ST18: variants seen among roughly 807,000 people sequenced by gnomAD.
The protein encoded by ST18 is ST18 C2H2C-type zinc finger transcription factor.
A neutral mutation model predicts 110.0 loss-of-function variants in ST18; 50 were observed. The ratio of observed to expected loss-of-function variants is 0.45; its 90% CI spans 0.36 to 0.58. The LOEUF is 0.58. ST18 is among the 20% of genes least tolerant of loss of function. The pLI is 0.00. For missense variants in ST18, 1,306 were observed against 1,280.1 expected (o/e 1.02, Z -0.31); for synonymous variants, 461 against 452.4 (o/e 1.02, Z -0.24).
At chr8:52,186,605 T>C (rs1588017160) in intron 8 of ST18, among the ~76,000 whole-genome samples, 1 of 152,320 alleles carries the variant, frequency 6.6e-6, no homozygotes, top group East Asian at 1.9e-4. Context: ...ACAAAAGGTA[T>C]GTTCAATAAT....
chr8:52,178,625 A>AAAAACAAAC (rs2067902872), intron 9 of ST18, among the ~76,000 whole-genome samples: 1 of 127,398 alleles, frequency 7.8e-6, no homozygotes, highest in African/African-American at 3.7e-5. Context: ...AAAAAAAAAA[A>AAAAACAAAC]AAAAAAAAAA....
chr8:52,409,805 C>T (rs1191136193), upstream of ST18: 2 of 152,240 alleles, frequency 1.3e-5, no homozygotes, highest in Admixed American at 6.5e-5. Context: ...TGTTATTTAC[C>T]AACCGCACAA....
chr8:52,268,464 CTATCATCTATCTATCTATCT>C (rs1460411221), intron 2 of ST18, among the ~76,000 whole-genome samples: 1 of 143,526 alleles, frequency 7.0e-6, no homozygotes, highest in Non-Finnish European at 1.5e-5. Flanking sequence ...GTCTATCTAT[CTATCATCTATCTATCTATCT>C]ATCTATCTAT....
At chr8:52,206,345 G>A (rs1215128319) in intron 8 of ST18, 1 of 152,192 alleles carries the variant, frequency 6.6e-6, no homozygotes, top group African/African-American at 2.4e-5. Context: ...AAACATACAA[G>A]AGCATTAGAG....
chr8:52,200,472 C>T (rs1187873964), intron 8 of ST18, among the ~76,000 whole-genome samples: 2 of 152,130 alleles, frequency 1.3e-5, no homozygotes, highest in African/African-American at 4.8e-5. Flanking sequence ...TCTGGGGGAC[C>T]CAGCGCGGAT....
chr8:52,383,536 C>T (rs1177229840), intron 2 of ST18, among the ~76,000 whole-genome samples: 2 of 150,606 alleles, frequency 1.3e-5, no homozygotes, highest in Admixed American at 6.6e-5. Context: ...GCAACCTCTG[C>T]CTCCCGGGTT....
intron 2 of ST18, among the ~76,000 whole-genome samples, chr8:52,323,588 T>C (rs899018669): frequency 6.6e-6 from 1 of 152,134 alleles, no homozygotes; most frequent in African/African-American, 2.4e-5. Context: ...GAGGAATGAG[T>C]AACTCTGCAG....
intron 3 of ST18, among the ~76,000 whole-genome samples, chr8:52,224,975 C>T (rs2088697178): frequency 6.6e-6 from 1 of 152,186 alleles, no homozygotes; most frequent in Non-Finnish European, 1.5e-5. Context: ...TATGGCAACT[C>T]TCATAGGCTC....
At chr8:52,130,167 A>AAAGAAAAAG (rs1554586232) in intron 22 of ST18, among the ~76,000 whole-genome samples, 1 of 90,062 alleles carries the variant, frequency 1.1e-5, no homozygotes, top group African/African-American at 3.7e-5. Context: ...AAGAAAGAAA[A>AAAGAAAAAG]AGAAAAGAAA....
intron 2 of ST18, among the ~76,000 whole-genome samples, chr8:52,383,688 C>T (rs1381099361): frequency 6.6e-6 from 1 of 152,118 alleles, no homozygotes; most frequent in Non-Finnish European, 1.5e-5. Context: ...ACCTCGTGAT[C>T]CACCCGCCTT....
chr8:52,243,513 G>T (rs897248892), intron 2 of ST18, among the ~76,000 whole-genome samples: 4 of 152,136 alleles, frequency 2.6e-5, no homozygotes, highest in Non-Finnish European at 4.4e-5. Context: ...AAGGGAAAGG[G>T]TTTGGGGAGC....
intron 2 of ST18, among the ~76,000 whole-genome samples, chr8:52,398,163 AT>A (rs1281253531): frequency 6.6e-6 from 1 of 152,186 alleles, no homozygotes; most frequent in Non-Finnish European, 1.5e-5. Context: ...GGATAAATTT[AT>A]TCCTAAGCAT....
intron 18 of ST18, among the ~76,000 whole-genome samples, chr8:52,137,220 G>T (rs1169366678): frequency 6.6e-6 from 1 of 152,016 alleles, no homozygotes; most frequent in Non-Finnish European, 1.5e-5. Context: ...TTATAACCTG[G>T]ACTACAGGAT....
At chr8:52,297,913 C>T (rs1415066768) in intron 2 of ST18, among the ~76,000 whole-genome samples, 1 of 152,210 alleles carries the variant, frequency 6.6e-6, no homozygotes, top group East Asian at 1.9e-4. Flanking sequence ...TGGGGTTTCT[C>T]ACCTGAAATT....
intron 8 of ST18, among the ~76,000 whole-genome samples, chr8:52,205,197 T>C (rs1309900046): frequency 6.7e-6 from 1 of 150,000 alleles, no homozygotes; most frequent in East Asian, 1.9e-4. Context: ...ATAATATATA[T>C]ATTTTATTAC....
At chr8:52,163,014 T>C (rs1380857653) in intron 13 of ST18, among the ~76,000 whole-genome samples, 2 of 152,222 alleles carry the variant, frequency 1.3e-5, no homozygotes, top group Non-Finnish European at 2.9e-5. Context: ...TAAAACAATA[T>C]TAATCTTTTA....
At chr8:52,254,198 G>A (rs1308498655) in intron 2 of ST18, 1 of 152,088 alleles carries the variant, frequency 6.6e-6, no homozygotes. Flanking sequence ...AAAATTCCGA[G>A]TGGCTTAAAT....
At chr8:52,265,362 GATGGGAAGTT>G (rs200865771) in intron 2 of ST18, among the ~76,000 whole-genome samples, 8,567 of 152,264 alleles carry the variant, frequency 0.056, 811 homozygotes, top group African/African-American at 0.2. Context: ...CTGTAAGTGT[GATGGGAAGTT>G]ATGGGAGGGC....
intron 2 of ST18, among the ~76,000 whole-genome samples, chr8:52,292,475 A>G (rs2095571009): frequency 6.6e-6 from 1 of 152,212 alleles, no homozygotes; most frequent in South Asian, 2.1e-4. Context: ...ATGATACTAG[A>G]AGATATTATT....
Sources: gnomAD v4.1 joint callset for allele counts (sites outside exome capture counted in the v4.1 genomes callset) on GRCh38, gnomAD v4.1.1 for gene constraint, MANE v1.5 for transcripts, NCBI Gene and HGNC (gene_info 2026-07-23, HGNC 2026-07-21) for gene names.